The following AKAP17A variants were observed in gnomAD, a reference collection of about 807,000 sequenced individuals.
AKAP17A encodes the protein A-kinase anchor protein 17A.
AKAP17A carries 15 observed loss-of-function variants against 52.2 expected under a neutral mutation model. The observed-to-expected ratio is 0.29, with a 90% confidence interval of 0.19 to 0.44. The LOEUF (loss-of-function observed/expected upper bound fraction) is 0.44, where lower values mean the gene tolerates loss of function less well. AKAP17A is among the 20% of genes least tolerant of loss of function. The pLI, the probability that AKAP17A is intolerant of heterozygous loss-of-function variation, is 1.00. For missense variants in AKAP17A, 1,060 were observed against 1,007.0 expected, an observed-to-expected ratio of 1.05 and a Z score of -0.71; for synonymous variants, 514 against 424.7, an observed-to-expected ratio of 1.21 and a Z score of -2.58.
chrX:1,598,552 G>A (rs1933152049), intron 3 of AKAP17A, among the ~76,000 whole-genome samples: 1 of 152,166 alleles, frequency 6.6e-6, no homozygotes. Context: ...GAGCTGCGGG[G>A]CGGGGGAGGC....
At position 1,591,630 on chromosome X, in the gene AKAP17A, G is replaced by C. The variant is rs1265132288; in HGVS notation, c.-159G>C. ...TCATAGAGGGCGGGCGGCGACGGCG[G>C]TGGCGGCGTCGGAGGCGCCTCCGGG... On this transcript the variant is annotated 5_prime_UTR_variant, in exon 1 of 5. Coordinates refer to ENST00000313871, the MANE Select transcript of AKAP17A (RefSeq NM_005088.3). The C allele has an allele frequency of 6.6e-6, 1 of 152,216 alleles. No homozygotes were observed. Among genetic ancestry groups the C allele is most frequent in the Non-Finnish European group, 1.5e-5 (1 of 68,012 alleles). The allele number at this position is 152,216 out of a possible 1,614,324, so 9.4% of individuals were successfully genotyped here.
chrX:1,597,238 C>T (rs192389210), intron 3 of AKAP17A, among the ~76,000 whole-genome samples: 1 of 152,210 alleles, frequency 6.6e-6, no homozygotes, highest in Non-Finnish European at 1.5e-5. Flanking sequence ...GCCCCCGTTG[C>T]CTCCCCAGGG....
rs1391306240 is a variant in AKAP17A at position 1,600,685 on chromosome X, G to C, written c.1179G>C (p.Gln393His). 2 of 1,544,658 alleles carry C rather than the reference G, an allele frequency of 1.3e-6. No homozygotes were observed. Among genetic ancestry groups the C allele is most frequent in the Middle Eastern group, 2.2e-4 (1 of 4,494 alleles). ...AKAVKLREQE[Q>H]KEEKLRLQQQ... is the part of the protein sequence containing the mutation. ...CTGTGAAGCTACGGGAACAGGAGCAGAAGGAGGAGAAGCTGAGGCTCCAGC... is the reference window on the plus strand; with the variant it reads ...CTGTGAAGCTACGGGAACAGGAGCACAAGGAGGAGAAGCTGAGGCTCCAGC... The change falls in exon 5 of 5, where the codon CAG (glutamine) becomes CAC (histidine). Residue 393 changes from glutamine to histidine, a missense_variant. Transcript: ENST00000313871.
chrX:1,602,199 A>G lies in AKAP17A; in HGVS notation c.*605A>G, dbSNP rs1205321856. Reference sequence around the variant, plus strand: ...AAGGTGTCGGTATGTGGGGAGTGGTACAAAATGGTCTGATGCTCCTTCAAA... The same window carrying G: ...AAGGTGTCGGTATGTGGGGAGTGGTGCAAAATGGTCTGATGCTCCTTCAAA... On this transcript the variant is annotated 3_prime_UTR_variant, in exon 5 of 5. Coordinates refer to ENST00000313871, the MANE Select transcript of AKAP17A (RefSeq NM_005088.3). 2 of 152,438 alleles carry G rather than the reference A, an allele frequency of 1.3e-5. No individual in the cohort carries two copies. Among genetic ancestry groups the G allele is most frequent in the African/African-American group, 4.8e-5 (2 of 41,472 alleles). 9.4% of individuals were successfully genotyped at this position (152,438 alleles called of 1,614,324 possible). A position where few individuals can be genotyped will look rare whatever the true frequency, so the allele number is the denominator to read the frequency against.
intron 1 of AKAP17A, among the ~76,000 whole-genome samples, chrX:1,592,075 G>A (rs1260688187): frequency 6.6e-6 from 1 of 151,912 alleles, no homozygotes; most frequent in Non-Finnish European, 1.5e-5. Context: ...GGAGGGCTGG[G>A]AGCTCGGGGG....
In AKAP17A at chrX:1,600,685, G is replaced by T. The variant is rs1391306240; in HGVS notation, c.1179G>T (p.Gln393His). Residue 393 changes from glutamine (Q) to histidine (H), a missense_variant, in exon 5 of 5, where the codon CAG becomes CAT. Around this residue, in one of 2 missense-constraint regions of AKAP17A, gnomAD observed 793 missense variants for 629.9 expected, o/e 1.26. Coordinates refer to ENST00000313871, the MANE Select transcript of AKAP17A (RefSeq NM_005088.3). ...CTGTGAAGCTACGGGAACAGGAGCAGAAGGAGGAGAAGCTGAGGCTCCAGC... is the reference window on the plus strand; with the variant it reads ...CTGTGAAGCTACGGGAACAGGAGCATAAGGAGGAGAAGCTGAGGCTCCAGC... The part of the protein sequence containing the change: ...AKAVKLREQE[Q>H]KEEKLRLQQQ... 3 of 1,544,540 alleles carry T rather than the reference G, an allele frequency of 1.9e-6. No individual in the cohort carries two copies. Among genetic ancestry groups the T allele is most frequent in the African/African-American group, 2.7e-5 (2 of 72,962 alleles).
At chrX:1,599,825 A>T in intron 4 of AKAP17A, 1 of 599,144 alleles carries the variant, frequency 1.7e-6, no homozygotes, top group Non-Finnish European at 3.0e-6. Flanking sequence ...AGTGGCCCAG[A>T]GCAGAGGGGC....
chrX:1,599,731 G>A (rs1170276524), intron 4 of AKAP17A: 16 of 621,602 alleles, frequency 2.6e-5, no homozygotes, highest in African/African-American at 1.3e-4. Flanking sequence ...CCTTTGGGTC[G>A]GGGCAGTGGC....
intron 4 of AKAP17A, chrX:1,600,183 G>A (rs1437093627): frequency 5.4e-6 from 7 of 1,307,722 alleles, no homozygotes; most frequent in East Asian, 5.3e-5. Context: ...GCTGAGACAT[G>A]TGGCAGCCCA....
Position 1,601,927 on chromosome X carries a change from A to C in AKAP17A, c.*333A>C. 3.4e-5 allele frequency: 10 copies of C among 296,752 alleles called. No homozygotes were observed. Among genetic ancestry groups the C allele is most frequent in the Non-Finnish European group, 3.7e-5 (6 of 160,706 alleles). 18.4% of individuals were successfully genotyped at this position (296,752 alleles called of 1,614,324 possible). A position where few individuals can be genotyped will look rare whatever the true frequency, so the allele number is the denominator to read the frequency against. ...TGGCAGAGCTGCTGCATTCCCCCAC[A>C]CGGGGATTTCTGTGTCTGCTTGGCG... On this transcript the variant is annotated 3_prime_UTR_variant, in exon 5 of 5. Transcript: ENST00000313871.
At chrX:1,599,160 C>G (rs765909975) in intron 3 of AKAP17A, 32 bp from the exon 4 acceptor site, 12 of 1,604,730 alleles carry the variant, frequency 7.5e-6, no homozygotes, top group Middle Eastern at 2.2e-4. Flanking sequence ...CTGCGGCGCT[C>G]TCTGTGACCA....
At position 1,601,444 on chromosome X, in the gene AKAP17A, C is replaced by G. The variant is rs370077532; in HGVS notation, c.1938C>G (p.Ser646=). 1 of 1,572,818 alleles carries G rather than the reference C, an allele frequency of 6.4e-7. No individual in the cohort carries two copies. Among genetic ancestry groups the G allele is most frequent in the Non-Finnish European group, 8.6e-7 (1 of 1,167,020 alleles). The change falls in exon 5 of 5, where the codon TCC becomes TCG. Residue 646 remains serine (S), a synonymous_variant. Coordinates refer to ENST00000313871, the MANE Select transcript of AKAP17A (RefSeq NM_005088.3). ...GCACGAGCCCGGACCACACCCGGTC[C>G]CGGAGGTCCCACAGCAAAGACAGGC... ...RRSTSPDHTR[S]RRSHSKDRHR...
chrX:1,595,602 G>A (rs759591761), intron 3 of AKAP17A, 70 bp downstream of exon 3: 68 of 1,595,122 alleles, frequency 4.3e-5, no homozygotes, highest in South Asian at 3.8e-4. Context: ...ACCCGTGTGC[G>A]TGTGTCTGCA....
At chrX:1,592,352 C>T (rs1203984974) in intron 1 of AKAP17A, among the ~76,000 whole-genome samples, 1 of 151,530 alleles carries the variant, frequency 6.6e-6, no homozygotes, top group Non-Finnish European at 1.5e-5. Context: ...TGGGGGGCTG[C>T]GGTAGGTGGG....
At chrX:1,599,043 A>T in intron 3 of AKAP17A, 149 bp from the exon 4 acceptor site, 1 of 1,263,356 alleles carries the variant, frequency 7.9e-7, no homozygotes, top group Non-Finnish European at 1.1e-6. Context: ...GGCTGCTTTG[A>T]GTCAACCGAG....
chrX:1,593,702 G>T lies in AKAP17A; in HGVS notation c.240G>T (p.Glu80Asp). The T allele has an allele frequency of 6.2e-7, 1 of 1,613,990 alleles. No homozygotes were observed. ...SKSTMDFIRF[E>D]GEVENKSLVK... ...GCACCATGGACTTCATCCGCTTCGA[G>T]GGGGAGGTGGAGAACAAGAGCCTGG... Residue 80 changes from glutamate to aspartate, a missense_variant, in exon 2 of 5, where the codon GAG becomes GAT. This residue lies in a region of AKAP17A where 267 missense variants were observed against 377.1 expected (regional missense o/e 0.71). Coordinates refer to ENST00000313871, the MANE Select transcript of AKAP17A (RefSeq NM_005088.3).
At chrX:1,596,468 GTGAGGTGGATTCCTCCTCCTC>G (rs1932987446) in intron 3 of AKAP17A, among the ~76,000 whole-genome samples, 1 of 74,868 alleles carries the variant, frequency 1.3e-5, no homozygotes, top group Admixed American at 1.3e-4. Flanking sequence ...CACCCTCCTA[GTGAGGTGGATTCCTCCTCCTC>G]CTCCTCCATC....
At chrX:1,594,844 C>T (rs2149440657) in intron 2 of AKAP17A, among the ~76,000 whole-genome samples, 1 of 152,290 alleles carries the variant, frequency 6.6e-6, no homozygotes, top group South Asian at 2.1e-4. Flanking sequence ...GTCTCGAACT[C>T]CTGACCTCAT....
rs1460409182 is a variant in AKAP17A, at chrX:1,594,218, C to T, written c.756C>T (p.Asn252=). 27 of 1,532,396 alleles carry T rather than the reference C, an allele frequency of 1.8e-5. No individual in the cohort carries two copies. The Admixed American group carries it at 1.9e-4, about 11-fold the overall frequency. The allele number at this position is 1,532,396 out of a possible 1,614,324, so 94.9% of individuals were successfully genotyped here. A position where few individuals can be genotyped will look rare whatever the true frequency, so the allele number is the denominator to read the frequency against. ...AGGACGGCAAGGCCGTGGCCTGCAACATCAAGGTGAGTCCTGGGCACCGAG... is the reference window on the plus strand; with the variant it reads ...AGGACGGCAAGGCCGTGGCCTGCAATATCAAGGTGAGTCCTGGGCACCGAG... ...KGEDGKAVAC[N]IKVSFDSTKH... is the part of the protein sequence containing the mutation. Residue 252 remains asparagine, a synonymous_variant, in exon 2 of 5, where the codon AAC becomes AAT. Transcript: ENST00000313871.
Sources: allele counts gnomAD v4.1 joint callset (sites outside exome capture counted in the v4.1 genomes callset), GRCh38; gene constraint gnomAD v4.1.1; regional missense constraint gnomAD v4.1.1; transcripts MANE v1.5; gene names NCBI Gene and HGNC (gene_info 2026-07-23, HGNC 2026-07-21).